Variants in HIPK2 observed in about 807,000 individuals in gnomAD.
HIPK2 encodes homeodomain interacting protein kinase 2.
A neutral mutation model predicts 113.7 loss-of-function variants in HIPK2; 27 were observed. The observed-to-expected ratio is 0.24, with a 90% CI of 0.17 to 0.33. The LOEUF (loss-of-function observed/expected upper bound fraction) is 0.33. HIPK2 is among the 10% of genes least tolerant of loss of function. The probability of loss-of-function intolerance (pLI) is 1.00; values close to 1 mark genes in which losing one functional copy is unlikely to be tolerated. For missense variants in HIPK2, 1,257 were observed against 1,588.0 expected, an observed-to-expected ratio of 0.79 and a Z score of 3.54; for synonymous variants, 631 against 642.2, an observed-to-expected ratio of 0.98 and a Z score of 0.26.
In HIPK2 at chr7:139,631,405, CA is replaced by C. The variant is rs1156765068; in HGVS notation, c.1228-122del. 7.1e-7 allele frequency: 1 copy of C among 1,406,892 alleles called. No individual in the cohort carries two copies. The highest frequency in any genetic ancestry group is 1.6e-5 in the South Asian group (1 of 62,212). 87.2% of individuals were successfully genotyped at this position (1,406,892 alleles called of 1,614,324 possible). ...CAATTTTTGTAGGGAAAGAAGTTAA[CA>C]AAAAAGAGAAAAAAGAAAAAGGGAA... On this transcript the variant is annotated intron_variant, in intron 3 of 14. Coordinates refer to ENST00000406875, the MANE Select transcript of HIPK2 (RefSeq NM_022740.5). This position sits in a 1 kb window ranked among gnomAD's most constrained non-coding sequence, Gnocchi z 4.9.
intron 1 of HIPK2, among the ~76,000 whole-genome samples, chr7:139,737,739 G>A (rs1488731869): frequency 1.3e-5 from 2 of 152,166 alleles, no homozygotes; most frequent in African/African-American, 2.4e-5. Flanking sequence ...AGAACAAAAT[G>A]AGCCTTTTCT....
intron 2 of HIPK2, among the ~76,000 whole-genome samples, chr7:139,688,989 C>G (rs1182743732): frequency 2.0e-5 from 3 of 152,164 alleles, no homozygotes; most frequent in Non-Finnish European, 4.4e-5. Flanking sequence ...TATGGTACCA[C>G]TACAAGTCAA....
At chr7:139,747,293 A>G (rs1796205243) in intron 1 of HIPK2, among the ~76,000 whole-genome samples, 1 of 152,168 alleles carries the variant, frequency 6.6e-6, no homozygotes, top group South Asian at 2.1e-4. Flanking sequence ...TCTGCAATCA[A>G]TAAGTCTAGT....
At chr7:139,774,994 G>T (rs900949112) in intron 1 of HIPK2, among the ~76,000 whole-genome samples, 14 of 152,186 alleles carry the variant, frequency 9.2e-5, no homozygotes, top group Admixed American at 7.2e-4. Context: ...CAGCATTTCT[G>T]TCTAAATCTC....
intron 2 of HIPK2, among the ~76,000 whole-genome samples, chr7:139,678,967 A>G (rs1035422679): frequency 6.6e-6 from 1 of 151,992 alleles, no homozygotes; most frequent in African/African-American, 2.4e-5. Context: ...CTGTTTGTCT[A>G]TTATTGGTGT....
chr7:139,709,719 A>G (rs557226541), intron 2 of HIPK2, among the ~76,000 whole-genome samples: 1 of 152,308 alleles, frequency 6.6e-6, no homozygotes, highest in Admixed American at 6.5e-5. Context: ...AATGGAACAC[A>G]GCTTGGGGCA....
chr7:139,739,638 T>G (rs541889589), intron 1 of HIPK2, among the ~76,000 whole-genome samples: 1 of 151,198 alleles, frequency 6.6e-6, no homozygotes, highest in African/African-American at 2.4e-5. Context: ...TGTGTGACCA[T>G]CACTGCTATC....
rs141191182 is a variant in HIPK2 at position 139,683,499 on chromosome 7, CAG to C, written c.1103+32431_1103+32432del. On this transcript the variant is annotated intron_variant, in intron 2 of 14. Coordinates refer to ENST00000406875, the MANE Select transcript of HIPK2 (RefSeq NM_022740.5). The surrounding 1 kb of genome is among the most constrained non-coding windows in gnomAD (Gnocchi z 4.2). Reference sequence around the variant, plus strand: ...ACACGGGAGCCAAAGCGAGAAATACCAGAGAGAGAGACACACGCATACCAAGA... The same window carrying C: ...ACACGGGAGCCAAAGCGAGAAATACCAGAGAGAGACACACGCATACCAAGA... Among the ~76,000 whole-genome samples, 6 of 152,088 alleles carry C rather than the reference CAG, an allele frequency of 3.9e-5. No individual in the cohort carries two copies. In the South Asian group the frequency reaches 8.3e-4, roughly 21 times the overall value.
chr7:139,711,423 G>A (rs1399110019), intron 2 of HIPK2, among the ~76,000 whole-genome samples: 5 of 151,134 alleles, frequency 3.3e-5, no homozygotes, highest in Non-Finnish European at 5.9e-5. Flanking sequence ...GCAAGACTCC[G>A]TCTCAAAAAA....
chr7:139,720,021 A>G (rs745775463), intron 1 of HIPK2, among the ~76,000 whole-genome samples: 2 of 152,226 alleles, frequency 1.3e-5, no homozygotes, highest in Non-Finnish European at 2.9e-5. Context: ...ATACATTTAC[A>G]TGTTGATTCC....
intron 10 of HIPK2, among the ~76,000 whole-genome samples, chr7:139,602,483 G>C (rs1401721666): frequency 6.6e-6 from 1 of 152,130 alleles, no homozygotes; most frequent in African/African-American, 2.4e-5. Flanking sequence ...AAAGGAAGGA[G>C]GGAGGAGGAA....
intron 13 of HIPK2, 113 bp downstream of exon 13, chr7:139,583,704 C>T: frequency 1.4e-6 from 2 of 1,471,708 alleles, no homozygotes; most frequent in Non-Finnish European, 1.8e-6. Flanking sequence ...CGCCTGCAGT[C>T]ACTGGGCACT....
intron 2 of HIPK2, among the ~76,000 whole-genome samples, chr7:139,715,167 C>T (rs528583212): frequency 3.5e-4 from 53 of 152,298 alleles, no homozygotes; most frequent in East Asian, 5.8e-4. Flanking sequence ...CCTAGCACTG[C>T]GGCTGGCACA....
At chr7:139,715,752 T>C (rs1795212102) in intron 2 of HIPK2, 180 bp downstream of exon 2, 1 of 505,332 alleles carries the variant, frequency 2.0e-6, no homozygotes, top group South Asian at 8.3e-5. Flanking sequence ...TCCGTTCTAA[T>C]GTGACTTCTA....
chr7:139,662,769 G>A (rs1004837603), intron 2 of HIPK2, among the ~76,000 whole-genome samples: 2 of 151,948 alleles, frequency 1.3e-5, no homozygotes, highest in Admixed American at 1.3e-4. Flanking sequence ...ACAGGTGCAC[G>A]CCACCACACC....
At position 139,614,303 on chromosome 7, in the gene HIPK2, C is replaced by T; in HGVS notation, c.1973G>A (p.Cys658Tyr). 1.3e-6 allele frequency: 2 copies of T among 1,519,578 alleles called. No individual in the cohort carries two copies. The highest frequency in any genetic ancestry group is 1.2e-5 in the South Asian group (1 of 80,344). The allele number at this position is 1,519,578 out of a possible 1,614,324, so 94.1% of individuals were successfully genotyped here. ...AATCTTACCTTGGAAGCCGGGGGGA[C>T]ACACGATGAGAGCTTGCTGGAACGG... is the stretch of plus-strand genomic sequence containing the variant. ...PDPFQQALIV[C>Y]PPGFQGLQAS... Residue 658 changes from cysteine (C) to tyrosine (Y), a missense_variant, in exon 8 of 15, where the codon TGT becomes TAT. This residue lies in a region of HIPK2 where 862 missense variants were observed against 1,004.3 expected (regional missense o/e 0.86). Transcript: ENST00000406875.
intron 2 of HIPK2, among the ~76,000 whole-genome samples, chr7:139,674,213 A>C (rs1802413361): frequency 6.6e-6 from 1 of 152,222 alleles, no homozygotes; most frequent in South Asian, 2.1e-4. Context: ...TCTTCCCTAC[A>C]TCATCTCATT....
rs1201866360 is a variant in HIPK2, at chr7:139,646,518, AAGG to A, written c.1104-14796_1104-14794del. On this transcript the variant is annotated intron_variant, in intron 2 of 14. Transcript: ENST00000406875. ...TTGTCTTAAAAAAAAAAAAAAAAAA[AAGG>A]AAAGAAAGAAAAGAAAGTTTTCAGA... 8.7e-3 allele frequency among the ~76,000 whole-genome samples: 1,228 copies of A among 141,832 alleles called. 11 individuals are homozygous for A. The highest frequency in any genetic ancestry group is 0.037 in the Middle Eastern group (10 of 272). The allele number at this position is 141,832 out of a possible 152,430, so 93.0% of individuals were successfully genotyped here. A position where few individuals can be genotyped will look rare whatever the true frequency, so the allele number is the denominator to read the frequency against.
At chr7:139,718,756 T>C (rs1316263354) in intron 1 of HIPK2, among the ~76,000 whole-genome samples, 1 of 152,226 alleles carries the variant, frequency 6.6e-6, no homozygotes, top group Non-Finnish European at 1.5e-5. Flanking sequence ...CTTTTTCTTC[T>C]GCCTTCATGT....
Sources: allele counts gnomAD v4.1 joint callset (sites outside exome capture counted in the v4.1 genomes callset), GRCh38; gene constraint gnomAD v4.1.1; regional missense constraint gnomAD v4.1.1; non-coding constraint Gnocchi (gnomAD v3.1); transcripts MANE v1.5; gene names NCBI Gene and HGNC (gene_info 2026-07-23, HGNC 2026-07-21).